The following EPYC variants were observed in gnomAD, a reference collection of about 807,000 sequenced individuals.
EPYC encodes dermatan sulfate proteoglycan 3.
Under a neutral mutation model 30.1 loss-of-function variants are expected in EPYC, and 28 were observed. The ratio of observed to expected loss-of-function variants is 0.93; its 90% CI spans 0.69 to 1.28. The LOEUF (loss-of-function observed/expected upper bound fraction) is 1.28. Ranked by LOEUF, EPYC falls within the 50% of genes most tolerant of loss-of-function variation. EPYC has a pLI of 0.00. For synonymous variants in EPYC, 144 were observed against 141.4 expected, an observed-to-expected ratio of 1.02 and a Z score of -0.13; for missense variants, 382 against 383.5, an observed-to-expected ratio of 1.00 and a Z score of 0.03.
chr12:91,003,368 T>C (rs1877875860), intron 1 of EPYC, among the ~76,000 whole-genome samples: 1 of 152,064 alleles, frequency 6.6e-6, no homozygotes, highest in Non-Finnish European at 1.5e-5. Context: ...AGATTTGAAC[T>C]CAGAACCAAC....
intron 6 of EPYC, 29 bp downstream of exon 6, chr12:90,970,014 CT>C (rs1402431358): frequency 1.9e-6 from 3 of 1,553,430 alleles, no homozygotes; most frequent in African/African-American, 2.7e-5. Context: ...CTCTGAAGCC[CT>C]TGGGCGCACC....
chr12:90,978,160 G>C lies in EPYC; in HGVS notation c.268C>G (p.Pro90Ala), dbSNP rs745600593. ...GGAGAAGAGCCATCAATCAGCCTGG[G>C]AGTAGATTCCTCCTCCTCTTCCTCT... ...QEEEEEEEST[P>A]RLIDGSSPQE... The change falls in exon 3 of 7, where the codon CCC (proline) becomes GCC (alanine). Residue 90 changes from proline to alanine, a missense_variant. Pro to Ala is a conservative substitution (Grantham distance 27, BLOSUM62 -1). Coordinates refer to ENST00000261172, the MANE Select transcript of EPYC (RefSeq NM_004950.5). 5.6e-6 allele frequency: 9 copies of C among 1,607,006 alleles called. No individual in the cohort carries two copies. The East Asian group carries it at 2.0e-4, about 36-fold the overall frequency.
At chr12:91,003,341 T>A (rs1416261363) in intron 1 of EPYC, among the ~76,000 whole-genome samples, 3 of 152,090 alleles carry the variant, frequency 2.0e-5, no homozygotes, top group African/African-American at 7.2e-5. Flanking sequence ...TTTTATTTAA[T>A]TCTTAATAGC....
intron 2 of EPYC, among the ~76,000 whole-genome samples, chr12:91,000,870 C>T (rs1363089967): frequency 6.6e-6 from 1 of 152,028 alleles, no homozygotes; most frequent in Non-Finnish European, 1.5e-5. Context: ...AAACTTTCAT[C>T]TTATATTCTA....
At chr12:90,973,461 A>T (rs1409387928) in intron 3 of EPYC, among the ~76,000 whole-genome samples, 1 of 152,228 alleles carries the variant, frequency 6.6e-6, no homozygotes, top group Non-Finnish European at 1.5e-5. Context: ...CACAAAGAAC[A>T]CAGTTGTGTT....
intron 2 of EPYC, among the ~76,000 whole-genome samples, chr12:90,979,773 A>G (rs1352328452): frequency 6.6e-6 from 1 of 152,164 alleles, no homozygotes; most frequent in African/African-American, 2.4e-5. Flanking sequence ...GGCTGTAAGC[A>G]TAATAGGCAA....
chr12:90,982,684 C>T (rs1172879185), intron 2 of EPYC, among the ~76,000 whole-genome samples: 6 of 152,154 alleles, frequency 3.9e-5, no homozygotes, highest in Non-Finnish European at 8.8e-5. Context: ...CATCATTCCA[C>T]TCTGTCCTAT....
Position 90,990,201 on chromosome 12 carries a change from T to C in EPYC, c.166-11939A>G, listed in dbSNP as rs895912223. On this transcript the variant is annotated intron_variant, in intron 2 of 6. Transcript: ENST00000261172. Reference sequence around the variant, plus strand: ...TTTAGTATTTTTTATTCAGTTTCTATCTTTCTCAGTGTAACACAAAGCAAA... The same window carrying C: ...TTTAGTATTTTTTATTCAGTTTCTACCTTTCTCAGTGTAACACAAAGCAAA... Among the ~76,000 whole-genome samples, 11 of 152,198 alleles carry C rather than the reference T, an allele frequency of 7.2e-5. No homozygotes were observed. In the South Asian group the frequency reaches 2.1e-3, roughly 29 times the overall value.
chr12:91,000,450 A>G (rs1877796481), intron 2 of EPYC, among the ~76,000 whole-genome samples: 1 of 152,110 alleles, frequency 6.6e-6, no homozygotes, highest in Non-Finnish European at 1.5e-5. Flanking sequence ...GTCATGAAAA[A>G]TGTCCGAACC....
intron 2 of EPYC, among the ~76,000 whole-genome samples, chr12:91,000,631 T>C (rs944355667): frequency 6.6e-6 from 1 of 152,044 alleles, no homozygotes; most frequent in African/African-American, 2.4e-5. Context: ...AAGGAATAAA[T>C]AGCACCCTTG....
chr12:90,995,278 C>A (rs942243724), intron 2 of EPYC, among the ~76,000 whole-genome samples: 2 of 152,032 alleles, frequency 1.3e-5, no homozygotes, highest in African/African-American at 4.8e-5. Context: ...TCAGAAGGAT[C>A]ATATTACCTC....
intron 6 of EPYC, among the ~76,000 whole-genome samples, chr12:90,968,215 A>G (rs1356200311): frequency 6.6e-6 from 1 of 152,134 alleles, no homozygotes; most frequent in Non-Finnish European, 1.5e-5. Context: ...ATTCCCTTTG[A>G]TATGTGATAG....
intron 2 of EPYC, among the ~76,000 whole-genome samples, chr12:90,990,728 G>C (rs778292632): frequency 5.9e-5 from 9 of 152,088 alleles, no homozygotes; most frequent in Non-Finnish European, 1.3e-4. Flanking sequence ...GCAAAAGAAG[G>C]ACTCTTTTCC....
At chr12:90,973,700 C>T (rs1156635562) in intron 3 of EPYC, among the ~76,000 whole-genome samples, 1 of 152,108 alleles carries the variant, frequency 6.6e-6, no homozygotes, top group East Asian at 1.9e-4. Context: ...CATATGCCTT[C>T]ACTTTGGAGG....
At chr12:91,001,973 G>T (rs1431315201) in intron 2 of EPYC, among the ~76,000 whole-genome samples, 2 of 151,850 alleles carry the variant, frequency 1.3e-5, no homozygotes, top group African/African-American at 4.8e-5. Context: ...TGCATCACGA[G>T]GTCAAGAGAT....
rs1458925689 is a variant in EPYC, at chr12:91,004,940, A to G, written c.-14+7T>C. On this transcript the variant is annotated splice_region_variant and intron_variant, in intron 1 of 6. Coordinates refer to ENST00000261172, the MANE Select transcript of EPYC (RefSeq NM_004950.5). ...GACCCAAGAAGAAAGCAAGTATAAAAACTTACCTTTGGCTCTGACCTGATG... is the reference window on the plus strand; with the variant it reads ...GACCCAAGAAGAAAGCAAGTATAAAGACTTACCTTTGGCTCTGACCTGATG... 6.6e-6 allele frequency: 1 copy of G among 152,050 alleles called. No homozygotes were observed. Among genetic ancestry groups the G allele is most frequent in the Non-Finnish European group, 1.5e-5 (1 of 67,994 alleles). 9.4% of individuals were successfully genotyped at this position (152,050 alleles called of 1,614,324 possible).
intron 6 of EPYC, among the ~76,000 whole-genome samples, chr12:90,964,650 A>G (rs984025783): frequency 6.6e-6 from 1 of 152,152 alleles, no homozygotes; most frequent in African/African-American, 2.4e-5. Context: ...TTTAGAGGTA[A>G]CAATTGAACT....
chr12:91,004,886 A>G (rs934484136), intron 1 of EPYC, 61 bp downstream of exon 1: 1 of 152,110 alleles, frequency 6.6e-6, no homozygotes, highest in African/African-American at 2.4e-5. Flanking sequence ...ATTATTTTTT[A>G]AAGGTTGTTA....
At chr12:91,004,112 A>G (rs1877895414) in intron 1 of EPYC, among the ~76,000 whole-genome samples, 1 of 152,128 alleles carries the variant, frequency 6.6e-6, no homozygotes, top group South Asian at 2.1e-4. Flanking sequence ...TCTTCCAGGA[A>G]CCATTCTCCC....
Sources: allele counts gnomAD v4.1 joint callset (sites outside exome capture counted in the v4.1 genomes callset), GRCh38; gene constraint gnomAD v4.1.1; transcripts MANE v1.5; gene names NCBI Gene and HGNC (gene_info 2026-07-23, HGNC 2026-07-21).